Variants in ARSJ observed in about 807,000 individuals in gnomAD.
ARSJ encodes arylsulfatase family member J, also known as arylsulfatase J.
A neutral mutation model predicts 35.9 loss-of-function variants in ARSJ; 26 were observed. That is an observed-to-expected ratio of 0.72 (90% CI 0.53 to 1.00). The LOEUF (loss-of-function observed/expected upper bound fraction) is 1.00, where lower values mean the gene tolerates loss of function less well. Ranked by LOEUF, ARSJ falls within the 50% of genes least tolerant of loss-of-function variation. The pLI, the probability that ARSJ is intolerant of heterozygous loss-of-function variation, is 0.00. For synonymous variants in ARSJ, 294 were observed against 267.6 expected (o/e 1.10, Z -0.96); for missense variants, 667 against 723.6 (o/e 0.92, Z 0.90).
intron 1 of ARSJ, among the ~76,000 whole-genome samples, chr4:113,937,236 C>T (rs773807221): frequency 5.9e-5 from 9 of 151,942 alleles, no homozygotes; most frequent in East Asian, 1.9e-4. Context: ...CTTCTGACCA[C>T]GAATAATTGT....
intron 1 of ARSJ, among the ~76,000 whole-genome samples, chr4:113,935,945 A>C (rs972948917): frequency 6.6e-6 from 1 of 151,972 alleles, no homozygotes; most frequent in Non-Finnish European, 1.5e-5. Context: ...CTATTCAACA[A>C]ATAAATGTAT....
chr4:113,945,099 A>G (rs892050538), intron 1 of ARSJ, among the ~76,000 whole-genome samples: 1 of 152,108 alleles, frequency 6.6e-6, no homozygotes, highest in African/African-American at 2.4e-5. Context: ...TTGAAGTCCA[A>G]ATAGAAACTT....
Position 113,903,552 on chromosome 4 carries a change from G to A in ARSJ, c.522C>T (p.Val174=), listed in dbSNP as rs778119323. The part of the protein sequence containing the change: ...LKEVGYSTHM[V]GKWHLGFYRK... Reference sequence around the variant, plus strand: ...TGTAAAAACCCAAGTGCCATTTTCCGACCATATGCGTTGAATATCCAACCT... The same window carrying A: ...TGTAAAAACCCAAGTGCCATTTTCCAACCATATGCGTTGAATATCCAACCT... The change falls in exon 2 of 2, where the codon GTC becomes GTT. Residue 174 remains valine (V), a synonymous_variant. Transcript: ENST00000315366. 6.8e-6 allele frequency: 11 copies of A among 1,614,022 alleles called. No homozygotes were observed. Among genetic ancestry groups the A allele is most frequent in the East Asian group, 2.2e-5 (1 of 44,896 alleles).
rs1727767635 is a variant in ARSJ at position 113,978,933 on chromosome 4, T to C, written c.-99A>G. 2.3e-6 allele frequency: 3 copies of C among 1,286,338 alleles called. No individual in the cohort carries two copies. The highest frequency in any genetic ancestry group is 3.2e-6 in the Non-Finnish European group (3 of 938,232). 79.7% of individuals were successfully genotyped at this position (1,286,338 alleles called of 1,614,324 possible). A position where few individuals can be genotyped will look rare whatever the true frequency, so the allele number is the denominator to read the frequency against. On this transcript the variant is annotated 5_prime_UTR_variant, in exon 1 of 2. Transcript: ENST00000315366. ...CAACAGACGGTGAAGACTCTCCACC[T>C]GGCAAGAAATCCTCCTCTCCTCTCA...
intron 1 of ARSJ, among the ~76,000 whole-genome samples, chr4:113,914,500 C>T (rs756915180): frequency 4.6e-4 from 70 of 152,228 alleles, no homozygotes; most frequent in Middle Eastern, 3.4e-3. Context: ...GTAATGTTCT[C>T]CCATTCTTGA....
chr4:113,910,302 G>C (rs777370759), intron 1 of ARSJ, among the ~76,000 whole-genome samples: 10 of 152,074 alleles, frequency 6.6e-5, no homozygotes, highest in Non-Finnish European at 1.5e-4. Flanking sequence ...ATTCTTCTTT[G>C]TCTGAAAATA....
intron 1 of ARSJ, among the ~76,000 whole-genome samples, chr4:113,945,598 A>T (rs1434679818): frequency 2.0e-5 from 3 of 151,546 alleles, no homozygotes; most frequent in Non-Finnish European, 2.9e-5. Flanking sequence ...CTATAGGGGA[A>T]TTTTTTTTTG....
chr4:113,944,180 G>A (rs902954758), intron 1 of ARSJ: 2 of 152,044 alleles, frequency 1.3e-5, no homozygotes, highest in Non-Finnish European at 2.9e-5. Context: ...AAGTGACAGG[G>A]CCAGATAAGG....
intron 1 of ARSJ, among the ~76,000 whole-genome samples, chr4:113,966,630 G>A (rs1202822965): frequency 6.6e-6 from 1 of 152,182 alleles, no homozygotes; most frequent in Non-Finnish European, 1.5e-5. Context: ...GAGAAATTTG[G>A]AAATAGTAGT....
At chr4:113,929,411 A>C (rs910791186) in intron 1 of ARSJ, among the ~76,000 whole-genome samples, 1 of 152,086 alleles carries the variant, frequency 6.6e-6, no homozygotes, top group Admixed American at 6.6e-5. Flanking sequence ...AAAGGTGGAA[A>C]GGCTGATGGA....
intron 1 of ARSJ, among the ~76,000 whole-genome samples, chr4:113,962,046 C>G (rs1726579780): frequency 6.6e-6 from 1 of 151,900 alleles, no homozygotes; most frequent in Non-Finnish European, 1.5e-5. Context: ...CTGTTGATTT[C>G]TTTTAATCAT....
At chr4:113,938,424 A>G (rs1594451262) in intron 1 of ARSJ, among the ~76,000 whole-genome samples, 2 of 152,230 alleles carry the variant, frequency 1.3e-5, no homozygotes, top group African/African-American at 4.8e-5. Flanking sequence ...AAAACCCCAA[A>G]CCATAAAAAC....
At chr4:113,939,840 G>A (rs996439235) in intron 1 of ARSJ, among the ~76,000 whole-genome samples, 7 of 151,932 alleles carry the variant, frequency 4.6e-5, no homozygotes, top group Non-Finnish European at 5.9e-5. Context: ...CAGATGAGTA[G>A]GTTGCGAAAA....
chr4:113,915,719 C>A (rs552863413), intron 1 of ARSJ, among the ~76,000 whole-genome samples: 1 of 152,326 alleles, frequency 6.6e-6, no homozygotes, highest in East Asian at 1.9e-4. Flanking sequence ...TCTCCCCACT[C>A]TACCTCTGGA....
chr4:113,900,513 T>C lies in ARSJ; in HGVS notation c.*1761A>G, dbSNP rs1181641461. 1 of 152,160 alleles carries C rather than the reference T, an allele frequency of 6.6e-6. No homozygotes were observed. Among genetic ancestry groups the C allele is most frequent in the Non-Finnish European group, 1.5e-5 (1 of 68,010 alleles). 9.4% of individuals were successfully genotyped at this position (152,160 alleles called of 1,614,324 possible). The stretch of plus-strand genomic sequence containing the variant: ...CAGAAACTGTGAGCTGTGATATAAA[T>C]GGATTATATCACAGTCCTTTGAGTT... On this transcript the variant is annotated 3_prime_UTR_variant, in exon 2 of 2. Coordinates refer to ENST00000315366, the MANE Select transcript of ARSJ (RefSeq NM_024590.4).
chr4:113,941,722 T>C (rs775522254), intron 1 of ARSJ, among the ~76,000 whole-genome samples: 1 of 151,972 alleles, frequency 6.6e-6, no homozygotes, highest in Non-Finnish European at 1.5e-5. Context: ...TCTAGATAAA[T>C]CACTGATTTA....
intron 1 of ARSJ, among the ~76,000 whole-genome samples, chr4:113,976,112 G>A (rs536748917): frequency 5.2e-4 from 79 of 152,258 alleles, no homozygotes; most frequent in East Asian, 2.1e-3. Context: ...TTACAGATTC[G>A]TGTAGTAAAA....
chr4:113,922,098 T>A (rs2149259218), intron 1 of ARSJ, among the ~76,000 whole-genome samples: 2 of 152,258 alleles, frequency 1.3e-5, no homozygotes, highest in Middle Eastern at 6.8e-3. Context: ...TAATGTCTAC[T>A]ACAAGAAAGA....
rs566553032 is a variant in ARSJ at position 113,938,577 on chromosome 4, G to GA, written c.399-34903dup. The stretch of plus-strand genomic sequence containing the variant: ...AATAAAGAGCTTCTGCACAGCAAAA[G>GA]AAACTATCATCACAGTGTACAGGCA... On this transcript the variant is annotated intron_variant, in intron 1 of 1. Coordinates refer to ENST00000315366, the MANE Select transcript of ARSJ (RefSeq NM_024590.4). Among the ~76,000 whole-genome samples, 656 of 152,160 alleles carry GA rather than the reference G, an allele frequency of 4.3e-3. 3 individuals are homozygous for GA. Among genetic ancestry groups the GA allele is most frequent in the African/African-American group, 0.015 (622 of 41,548 alleles).
Sources: gnomAD v4.1 joint callset for allele counts (sites outside exome capture counted in the v4.1 genomes callset) on GRCh38, gnomAD v4.1.1 for gene constraint, MANE v1.5 for transcripts, NCBI Gene and HGNC (gene_info 2026-07-23, HGNC 2026-07-21) for gene names.